The following CDC42BPA variants were observed in gnomAD, a reference collection of about 807,000 sequenced individuals.
CDC42BPA encodes CDC42 binding protein kinase alpha, also known as serine/threonine-protein kinase MRCK alpha.
Under a neutral mutation model 223.5 loss-of-function variants are expected in CDC42BPA, and 80 were observed. The observed-to-expected ratio is 0.36, with a 90% CI of 0.30 to 0.43. The LOEUF is 0.43. Among genes scored for constraint, CDC42BPA ranks in the 20% least tolerant of loss-of-function variants. CDC42BPA has a pLI of 1.00. For synonymous variants in CDC42BPA, 694 were observed against 718.6 expected (o/e 0.97, Z 0.55); for missense variants, 1,743 against 2,099.9 (o/e 0.83, Z 3.32).
chr1:227,317,012 T>G lies in CDC42BPA; in HGVS notation c.171A>C (p.Leu57=). 5 of 1,612,194 alleles carry G rather than the reference T, an allele frequency of 3.1e-6. No individual in the cohort carries two copies. In the South Asian group the frequency reaches 4.4e-5, roughly 14 times the overall value. The change falls in exon 1 of 37, where the codon CTA becomes CTC. Residue 57 remains leucine (L), a synonymous_variant. Coordinates refer to ENST00000366766, the MANE Select transcript of CDC42BPA (RefSeq NM_001394014.1). ...TAAAAATTACAAACTTACCCCATTC[T>G]AGGTATTCGAGAATGTTCTTCTCTC... The part of the protein sequence containing the change: ...LRREKNILEY[L]EWAKPFTSKV...
chr1:227,052,077 C>G, intron 21 of CDC42BPA, 92 bp from the exon 22 acceptor site: 1 of 618,848 alleles, frequency 1.6e-6, no homozygotes, highest in Admixed American at 2.2e-5. Context: ...ATGATTATGA[C>G]AACATTTCTT....
At chr1:227,023,885 T>TA (rs1165283362) in intron 31 of CDC42BPA, among the ~76,000 whole-genome samples, 1 of 152,114 alleles carries the variant, frequency 6.6e-6, no homozygotes, top group Non-Finnish European at 1.5e-5. Context: ...AAAGATTTTT[T>TA]AAAAAAGGTA....
intron 1 of CDC42BPA, among the ~76,000 whole-genome samples, chr1:227,294,776 C>T (rs984893851): frequency 1.3e-5 from 1 of 76,216 alleles, no homozygotes; most frequent in Non-Finnish European, 2.5e-5. Flanking sequence ...AGGAGAATGG[C>T]GTGAACCCGG....
At chr1:227,206,720 A>G (rs1043137034) in intron 3 of CDC42BPA, among the ~76,000 whole-genome samples, 1 of 152,216 alleles carries the variant, frequency 6.6e-6, no homozygotes, top group South Asian at 2.1e-4. Flanking sequence ...AAAAGTTTCA[A>G]TGCAGAATTT....
At chr1:227,077,395 C>T (rs915193811) in intron 17 of CDC42BPA, among the ~76,000 whole-genome samples, 1 of 152,180 alleles carries the variant, frequency 6.6e-6, no homozygotes, top group South Asian at 2.1e-4. Context: ...ATGAGCATTA[C>T]TGAATGAGGA....
At chr1:227,268,597 T>G (rs1055140498) in intron 1 of CDC42BPA, among the ~76,000 whole-genome samples, 2 of 120,068 alleles carry the variant, frequency 1.7e-5, no homozygotes, top group South Asian at 6.0e-4. Context: ...TGTGTATATA[T>G]AGTGTGTGTA....
chr1:227,051,983 A>T lies in CDC42BPA; in HGVS notation c.2907T>A (p.Thr969=), dbSNP rs778367081. 2 of 1,364,936 alleles carry T rather than the reference A, an allele frequency of 1.5e-6. No homozygotes were observed. Among genetic ancestry groups the T allele is most frequent in the East Asian group, 9.1e-5 (2 of 21,988 alleles). The allele number at this position is 1,364,936 out of a possible 1,614,324, so 84.6% of individuals were successfully genotyped here. A position where few individuals can be genotyped will look rare whatever the true frequency, so the allele number is the denominator to read the frequency against. The part of the protein sequence containing the change: ...TPTDALDQFE[T]DPVENTYVWN... ...ATACATATGTGTTCTCAACGGGATCAGTCTAGGAAAATAAGTCGGGAAAAA... is the reference window on the plus strand; with the variant it reads ...ATACATATGTGTTCTCAACGGGATCTGTCTAGGAAAATAAGTCGGGAAAAA... The change falls in exon 22 of 37, where the codon ACT becomes ACA. Residue 969 remains threonine (T), a splice_region_variant and synonymous_variant. Transcript: ENST00000366766.
intron 34 of CDC42BPA, among the ~76,000 whole-genome samples, chr1:227,015,688 G>GAAAA (rs148877902): frequency 6.6e-6 from 1 of 150,682 alleles, no homozygotes; most frequent in African/African-American, 2.4e-5. Flanking sequence ...CTGGGAAGAA[G>GAAAA]GAAAAAAAAA....
At position 226,993,350 on chromosome 1, in the gene CDC42BPA, C is replaced by CTT. The variant is rs1421773485; in HGVS notation, c.*917_*918insAA. The CTT allele has an allele frequency of 2.0e-5, 3 of 152,218 alleles. No individual in the cohort carries two copies. The highest frequency in any genetic ancestry group is 7.2e-5 in the African/African-American group (3 of 41,436). The allele number at this position is 152,218 out of a possible 1,614,324, so 9.4% of individuals were successfully genotyped here. On this transcript the variant is annotated 3_prime_UTR_variant, in exon 37 of 37. Transcript: ENST00000366766. ...AGTGAGAAGTGTTCAAATTCCACCA[C>CTT]TAGGAAAAGAAACATCTTGGGTAGA...
At chr1:227,048,122 T>C (rs1386162944) in intron 22 of CDC42BPA, 112 bp from the exon 23 acceptor site, 3 of 548,008 alleles carry the variant, frequency 5.5e-6, no homozygotes, top group South Asian at 3.2e-5. Flanking sequence ...AGGCAAAAAG[T>C]TCTACTAATT....
At chr1:227,051,023 A>G (rs79803557) in intron 22 of CDC42BPA, among the ~76,000 whole-genome samples, 5 of 152,238 alleles carry the variant, frequency 3.3e-5, no homozygotes, top group African/African-American at 4.8e-5. Flanking sequence ...TAAAACAATT[A>G]TAACTAAAAA....
intron 1 of CDC42BPA, among the ~76,000 whole-genome samples, chr1:227,257,862 A>G (rs1683358900): frequency 3.3e-5 from 5 of 151,002 alleles, no homozygotes; most frequent in Admixed American, 3.3e-4. Flanking sequence ...TGGGAGATAC[A>G]TACAGACCTA....
chr1:227,274,904 G>A (rs1003853168), intron 1 of CDC42BPA, among the ~76,000 whole-genome samples: 1 of 152,124 alleles, frequency 6.6e-6, no homozygotes, highest in Non-Finnish European at 1.5e-5. Flanking sequence ...AACTGACCTA[G>A]CCTCAATGTA....
At chr1:227,124,431 G>A (rs10495257) in intron 11 of CDC42BPA, among the ~76,000 whole-genome samples, 25,654 of 151,810 alleles carry the variant, frequency 0.17, 2,318 homozygotes, top group Non-Finnish European at 0.19. Context: ...ATTATTCAGA[G>A]GTATGTATTT....
intron 16 of CDC42BPA, among the ~76,000 whole-genome samples, chr1:227,082,454 C>T (rs1348002567): frequency 6.6e-6 from 1 of 151,964 alleles, no homozygotes; most frequent in Admixed American, 6.6e-5. Flanking sequence ...GTGGCTCACA[C>T]CTGTAATCCC....
intron 2 of CDC42BPA, among the ~76,000 whole-genome samples, chr1:227,249,989 T>C (rs1228800664): frequency 6.6e-6 from 1 of 152,184 alleles, no homozygotes; most frequent in African/African-American, 2.4e-5. Context: ...CCAATAATAA[T>C]TTAGTTGTCC....
At chr1:227,254,675 T>C (rs1170010028) in intron 1 of CDC42BPA, among the ~76,000 whole-genome samples, 2 of 152,196 alleles carry the variant, frequency 1.3e-5, no homozygotes, top group Non-Finnish European at 2.9e-5. Flanking sequence ...TATGATACTT[T>C]CCTTCAAGAA....
chr1:227,218,476 A>G (rs1433137776), intron 2 of CDC42BPA, among the ~76,000 whole-genome samples: 2 of 152,224 alleles, frequency 1.3e-5, no homozygotes. Context: ...CATATTACAT[A>G]TATTACCCCT....
intron 16 of CDC42BPA, among the ~76,000 whole-genome samples, chr1:227,082,876 G>C (rs531057903): frequency 6.6e-6 from 1 of 151,946 alleles, no homozygotes; most frequent in South Asian, 2.1e-4. Context: ...TTTTTCTTCT[G>C]AATTCCGTTT....
Sources: gnomAD v4.1 joint callset for allele counts (sites outside exome capture counted in the v4.1 genomes callset) on GRCh38, gnomAD v4.1.1 for gene constraint, MANE v1.5 for transcripts, NCBI Gene and HGNC (gene_info 2026-07-23, HGNC 2026-07-21) for gene names.